Variants in OLFM3 observed in about 807,000 individuals in gnomAD.
OLFM3 encodes olfactomedin 3, also known as noelin-3.
In OLFM3, 20 loss-of-function variants were observed where a neutral mutation model predicts 48.6. The observed-to-expected ratio is 0.41, with a 90% CI of 0.29 to 0.60. The LOEUF is 0.60. OLFM3 is among the 20% of genes least tolerant of loss of function. OLFM3 has a pLI of 0.28. For synonymous variants in OLFM3, 222 were observed against 198.1 expected, an observed-to-expected ratio of 1.12 and a Z score of -1.01; for missense variants, 437 against 544.3, an observed-to-expected ratio of 0.80 and a Z score of 1.96.
At chr1:101,927,252 T>C (rs926176655) in intron 1 of OLFM3, among the ~76,000 whole-genome samples, 2 of 152,134 alleles carry the variant, frequency 1.3e-5, no homozygotes, top group African/African-American at 4.8e-5. Context: ...GTCATTTTTT[T>C]CTAAAATGAT....
At chr1:101,874,001 A>G (rs1657193389) in intron 1 of OLFM3, among the ~76,000 whole-genome samples, 1 of 151,938 alleles carries the variant, frequency 6.6e-6, no homozygotes, top group African/African-American at 2.4e-5. Context: ...TGGCTTCAAC[A>G]TTTAGTTATT....
chr1:101,926,966 A>C (rs949110861), intron 1 of OLFM3, among the ~76,000 whole-genome samples: 1 of 152,190 alleles, frequency 6.6e-6, no homozygotes, highest in African/African-American at 2.4e-5. Flanking sequence ...TGGAAGAATA[A>C]TACAATCGCT....
At chr1:101,954,363 A>G (rs1445448747) in intron 1 of OLFM3, among the ~76,000 whole-genome samples, 1 of 152,128 alleles carries the variant, frequency 6.6e-6, no homozygotes, top group Non-Finnish European at 1.5e-5. Flanking sequence ...TTTATTTCAG[A>G]AATAACATGA....
intron 1 of OLFM3, among the ~76,000 whole-genome samples, chr1:101,953,748 C>T (rs1257469784): frequency 1.3e-5 from 2 of 152,140 alleles, no homozygotes; most frequent in African/African-American, 2.4e-5. Context: ...TTACCCTTCA[C>T]ATACTTTTGT....
intron 1 of OLFM3, among the ~76,000 whole-genome samples, chr1:101,864,305 T>C (rs1269993940): frequency 6.6e-6 from 1 of 152,144 alleles, no homozygotes; most frequent in African/African-American, 2.4e-5. Context: ...TACACAATGA[T>C]AATTTGCCTA....
chr1:101,813,887 G>A (rs1012415852), intron 4 of OLFM3, among the ~76,000 whole-genome samples: 1 of 152,078 alleles, frequency 6.6e-6, no homozygotes, highest in Admixed American at 6.6e-5. Context: ...ATGTCCCAAA[G>A]CATTAACAAT....
chr1:101,911,134 A>C (rs2101028343), intron 1 of OLFM3, among the ~76,000 whole-genome samples: 1 of 152,316 alleles, frequency 6.6e-6, no homozygotes, highest in East Asian at 1.9e-4. Context: ...TGAATTACTA[A>C]GGAGCTCAGT....
At chr1:101,870,228 GA>G (rs545953146) in intron 1 of OLFM3, among the ~76,000 whole-genome samples, 182 of 150,970 alleles carry the variant, frequency 1.2e-3, no homozygotes, top group Non-Finnish European at 2.4e-3. Context: ...CTTTGTAGCT[GA>G]AAAAAAAATC....
At chr1:101,902,401 T>G (rs1658416818) in intron 1 of OLFM3, among the ~76,000 whole-genome samples, 1 of 151,986 alleles carries the variant, frequency 6.6e-6, no homozygotes, top group Non-Finnish European at 1.5e-5. Flanking sequence ...ACAGATGGTG[T>G]GGAAGCTTGG....
intron 1 of OLFM3, among the ~76,000 whole-genome samples, chr1:101,994,669 T>C (rs1187158211): frequency 6.6e-6 from 1 of 150,822 alleles, no homozygotes; most frequent in Non-Finnish European, 1.5e-5. Flanking sequence ...ATGTTTTGTC[T>C]AAAAGTCCTA....
chr1:101,917,627 G>C (rs1249220109), intron 1 of OLFM3, among the ~76,000 whole-genome samples: 1 of 152,092 alleles, frequency 6.6e-6, no homozygotes, highest in African/African-American at 2.4e-5. Context: ...ATGTTGGCCA[G>C]GCTGGTTTCA....
intron 4 of OLFM3, among the ~76,000 whole-genome samples, chr1:101,817,625 T>C (rs1654400209): frequency 6.6e-6 from 1 of 152,012 alleles, no homozygotes; most frequent in African/African-American, 2.4e-5. Context: ...TATATATAAT[T>C]ATTTCTTATA....
intron 1 of OLFM3, among the ~76,000 whole-genome samples, chr1:101,969,551 CT>C (rs1309540461): frequency 2.0e-5 from 3 of 152,118 alleles, no homozygotes; most frequent in Non-Finnish European, 4.4e-5. Context: ...AGTACATAGA[CT>C]TTTTCCTCTA....
At chr1:101,905,464 T>C (rs1323416056) in intron 1 of OLFM3, among the ~76,000 whole-genome samples, 1 of 152,176 alleles carries the variant, frequency 6.6e-6, no homozygotes, top group Non-Finnish European at 1.5e-5. Context: ...ATCCTGGTGC[T>C]ATATTGCCAA....
At chr1:101,843,590 A>G (rs1327519921) in intron 1 of OLFM3, among the ~76,000 whole-genome samples, 1 of 152,168 alleles carries the variant, frequency 6.6e-6, no homozygotes, top group Non-Finnish European at 1.5e-5. Flanking sequence ...TCTGAGAAAA[A>G]CAAGAAGGAG....
intron 1 of OLFM3, among the ~76,000 whole-genome samples, chr1:101,853,980 G>A (rs1656322549): frequency 6.6e-6 from 1 of 152,012 alleles, no homozygotes; most frequent in Admixed American, 6.6e-5. Context: ...AAATATGGAA[G>A]CAATCTTTTC....
chr1:101,805,303 C>T (rs1327593), intron 5 of OLFM3, among the ~76,000 whole-genome samples: 87,473 of 151,434 alleles, frequency 0.58, 25,679 homozygotes, highest in East Asian at 0.64. Flanking sequence ...TTATTCTATC[C>T]CTTGCTCTGA....
At chr1:101,859,103 G>T (rs964799738) in intron 1 of OLFM3, among the ~76,000 whole-genome samples, 1 of 151,926 alleles carries the variant, frequency 6.6e-6, no homozygotes, top group African/African-American at 2.4e-5. Flanking sequence ...TGCAGTGGGG[G>T]AAGTGAAAAA....
At chr1:101,932,936 G>T (rs1301152148) in intron 1 of OLFM3, among the ~76,000 whole-genome samples, 2 of 152,126 alleles carry the variant, frequency 1.3e-5, no homozygotes, top group African/African-American at 4.8e-5. Context: ...GGGCATGGTG[G>T]CTCACACCTG....
Sources: allele counts gnomAD v4.1 joint callset (sites outside exome capture counted in the v4.1 genomes callset), GRCh38; gene constraint gnomAD v4.1.1; transcripts MANE v1.5; gene names NCBI Gene and HGNC (gene_info 2026-07-23, HGNC 2026-07-21).